TTC28: variants seen among roughly 807,000 people sequenced by gnomAD.
TTC28 encodes tetratricopeptide repeat protein 28.
A neutral mutation model predicts 198.0 loss-of-function variants in TTC28; 61 were observed. The observed-to-expected ratio is 0.31, with a 90% CI of 0.25 to 0.38. The LOEUF (loss-of-function observed/expected upper bound fraction) is 0.38. Ranked by LOEUF, TTC28 falls within the 10% of genes least tolerant of loss-of-function variation. The pLI, the probability that TTC28 is intolerant of heterozygous loss-of-function variation, is 1.00. For synonymous variants in TTC28, 1,171 were observed against 1,297.8 expected (o/e 0.90, Z 2.10); for missense variants, 2,678 against 3,164.0 (o/e 0.85, Z 3.69).
Position 27,983,371 on chromosome 22 carries a change from G to T in TTC28, c.6296C>A (p.Ser2099Tyr). The T allele has an allele frequency of 6.4e-7, 1 of 1,551,286 alleles. No homozygotes were observed. Among genetic ancestry groups the T allele is most frequent in the African/African-American group, 1.4e-5 (1 of 73,110 alleles). Reference sequence around the variant, plus strand: ...ATTTGGAGTGCTGATGCTCCCTTTGGAGCTCACCGAGACTCTCATGCCTCC... The same window carrying T: ...ATTTGGAGTGCTGATGCTCCCTTTGTAGCTCACCGAGACTCTCATGCCTCC... ...TAGGMRVSVS[S>Y]KGSISTPNSP... Residue 2099 changes from serine to tyrosine, a missense_variant, in exon 23 of 23, where the codon TCC becomes TAC. Transcript: ENST00000397906.
At chr22:28,103,279 C>T (rs1942207899) in intron 8 of TTC28, among the ~76,000 whole-genome samples, 1 of 152,298 alleles carries the variant, frequency 6.6e-6, no homozygotes, top group South Asian at 2.1e-4. Context: ...ATCCACGCTC[C>T]CTTTCTTCAT....
At chr22:28,353,507 T>C (rs1249499105) in intron 2 of TTC28, among the ~76,000 whole-genome samples, 1 of 152,130 alleles carries the variant, frequency 6.6e-6, no homozygotes, top group African/African-American at 2.4e-5. Flanking sequence ...CATTGACCAA[T>C]GGAACAGAAC....
chr22:28,463,056 G>A (rs1246411565), intron 2 of TTC28, among the ~76,000 whole-genome samples: 6 of 152,204 alleles, frequency 3.9e-5, no homozygotes. Context: ...AGATGGCTTG[G>A]GACATCTTCC....
chr22:28,452,362 CCTGG>C (rs2047793565), intron 2 of TTC28, among the ~76,000 whole-genome samples: 2 of 126,424 alleles, frequency 1.6e-5, no homozygotes. Flanking sequence ...TGCACTCCAG[CCTGG>C]GCAACAGAGC....
intron 2 of TTC28, among the ~76,000 whole-genome samples, chr22:28,581,941 G>A (rs867334021): frequency 1.3e-5 from 2 of 151,902 alleles, no homozygotes; most frequent in African/African-American, 4.8e-5. Flanking sequence ...TTGAAACAGT[G>A]TATTATTTGG....
chr22:28,508,371 C>T (rs1185860239), intron 2 of TTC28, among the ~76,000 whole-genome samples: 1 of 152,196 alleles, frequency 6.6e-6, no homozygotes, highest in Non-Finnish European at 1.5e-5. Flanking sequence ...GCAACCTCTG[C>T]CTCCCGGGTT....
At chr22:28,315,022 T>C (rs2145833080) in intron 2 of TTC28, among the ~76,000 whole-genome samples, 1 of 152,242 alleles carries the variant, frequency 6.6e-6, no homozygotes, top group South Asian at 2.1e-4. Context: ...CTGAAGGAAT[T>C]TTGAGGTAGG....
chr22:28,132,506 T>A (rs892840375), intron 6 of TTC28, among the ~76,000 whole-genome samples: 2 of 152,216 alleles, frequency 1.3e-5, no homozygotes, highest in African/African-American at 4.8e-5. Context: ...AAAACATTAC[T>A]TTTTTCATCA....
chr22:28,500,263 T>TA (rs2048517644), intron 2 of TTC28, among the ~76,000 whole-genome samples: 1 of 152,188 alleles, frequency 6.6e-6, no homozygotes, highest in Non-Finnish European at 1.5e-5. Flanking sequence ...GAACACTTCA[T>TA]ATAAATCAAG....
At chr22:28,086,930 C>G (rs997418883) in intron 12 of TTC28, among the ~76,000 whole-genome samples, 1 of 152,016 alleles carries the variant, frequency 6.6e-6, no homozygotes, top group African/African-American at 2.4e-5. Context: ...ATAAATTCCT[C>G]GACACATACA....
chr22:28,370,752 A>G (rs2046319364), intron 2 of TTC28, among the ~76,000 whole-genome samples: 2 of 152,228 alleles, frequency 1.3e-5, no homozygotes, highest in African/African-American at 4.8e-5. Context: ...TTCAAGAAAC[A>G]CAGAGAAAGA....
chr22:28,032,442 T>C (rs891799233), intron 12 of TTC28, among the ~76,000 whole-genome samples: 5 of 151,398 alleles, frequency 3.3e-5, no homozygotes, highest in South Asian at 2.1e-4. Flanking sequence ...CCAGCCTTCA[T>C]AGTCTGGAAA....
intron 2 of TTC28, among the ~76,000 whole-genome samples, chr22:28,522,181 ATTAATACGT>A (rs2048921123): frequency 6.6e-6 from 1 of 152,342 alleles, no homozygotes; most frequent in South Asian, 2.1e-4. Context: ...TAGTACCATG[ATTAATACGT>A]TTAAGAAAAC....
In TTC28 at chr22:28,222,449, T is replaced by C. The variant is rs572069606; in HGVS notation, c.934-58850A>G. Among the ~76,000 whole-genome samples the C allele has an allele frequency of 7.2e-5, 11 of 152,372 alleles. 1 individual carries two copies. The highest frequency in any genetic ancestry group is 2.4e-4 in the African/African-American group (10 of 41,598). Reference sequence around the variant, plus strand: ...CATGTCTTGGCACTTGGTACCTTAATGTCTAAAGCTACAGTAAAAGTATTT... The same window carrying C: ...CATGTCTTGGCACTTGGTACCTTAACGTCTAAAGCTACAGTAAAAGTATTT... On this transcript the variant is annotated intron_variant, in intron 5 of 22. Coordinates refer to ENST00000397906, the MANE Select transcript of TTC28 (RefSeq NM_001145418.2).
intron 5 of TTC28, among the ~76,000 whole-genome samples, chr22:28,293,362 C>T (rs1438639478): frequency 6.6e-6 from 1 of 151,970 alleles, no homozygotes; most frequent in Non-Finnish European, 1.5e-5. Flanking sequence ...GTGAAACAGG[C>T]CAGACACAGA....
At chr22:28,559,014 A>G (rs373914719) in intron 2 of TTC28, among the ~76,000 whole-genome samples, 3 of 152,146 alleles carry the variant, frequency 2.0e-5, no homozygotes, top group South Asian at 4.1e-4. Flanking sequence ...CAGCCTGGGC[A>G]ACAAAAGCAA....
intron 5 of TTC28, among the ~76,000 whole-genome samples, chr22:28,228,627 G>C (rs948318527): frequency 2.6e-5 from 4 of 151,854 alleles, no homozygotes; most frequent in African/African-American, 7.3e-5. Flanking sequence ...TAGAACCCGG[G>C]GGGCAGAGGT....
At chr22:28,164,113 G>A (rs970300227) in intron 5 of TTC28, among the ~76,000 whole-genome samples, 1 of 152,194 alleles carries the variant, frequency 6.6e-6, no homozygotes, top group African/African-American at 2.4e-5. Flanking sequence ...GCCCATCATT[G>A]CCAAGGCTTG....
chr22:28,636,292 A>G (rs2051270855), intron 1 of TTC28, among the ~76,000 whole-genome samples: 1 of 151,562 alleles, frequency 6.6e-6, no homozygotes, highest in African/African-American at 2.4e-5. Flanking sequence ...TGTCCGGCTA[A>G]TTTTTTGTAT....
Sources: allele counts gnomAD v4.1 joint callset (sites outside exome capture counted in the v4.1 genomes callset), GRCh38; gene constraint gnomAD v4.1.1; transcripts MANE v1.5; gene names NCBI Gene and HGNC (gene_info 2026-07-23, HGNC 2026-07-21).